The following GBF1 variants were observed in gnomAD, a reference collection of about 807,000 sequenced individuals.
GBF1 encodes the protein Golgi-specific brefeldin A-resistance guanine nucleotide exchange factor 1.
GBF1 carries 114 observed loss-of-function variants against 210.5 expected under a neutral mutation model. The ratio of observed to expected loss-of-function variants is 0.54; its 90% confidence interval spans 0.47 to 0.63. The LOEUF is 0.63. GBF1 is among the 30% of genes least tolerant of loss of function. The pLI, the probability that GBF1 is intolerant of heterozygous loss-of-function variation, is 0.00. For missense variants in GBF1, 1,851 were observed against 2,357.7 expected (o/e 0.79, Z 4.45); for synonymous variants, 850 against 889.2 (o/e 0.96, Z 0.78).
At chr10:102,367,962 A>G (rs2059999891) in intron 21 of GBF1, among the ~76,000 whole-genome samples, 1 of 152,226 alleles carries the variant, frequency 6.6e-6, no homozygotes, top group South Asian at 2.1e-4. Flanking sequence ...AGAATTGTTC[A>G]TTTTATCACA....
intron 1 of GBF1, among the ~76,000 whole-genome samples, chr10:102,251,510 A>G (rs1251809095): frequency 6.6e-6 from 1 of 152,174 alleles, no homozygotes; most frequent in African/African-American, 2.4e-5. Flanking sequence ...GTGGTGATAC[A>G]CTAAATAAAT....
chr10:102,367,261 G>A, intron 20 of GBF1, 51 bp downstream of exon 20: 1 of 1,588,638 alleles, frequency 6.3e-7, no homozygotes, highest in Non-Finnish European at 8.6e-7. Flanking sequence ...AGCTTGGGAG[G>A]TAGCAGGAAG....
At chr10:102,235,114 C>G in the GBF1 span, among the ~76,000 whole-genome samples, 1 of 151,850 alleles carries the variant, frequency 6.6e-6, no homozygotes, top group African/African-American at 2.4e-5. Flanking sequence ...AGTCTCCTCT[C>G]TGTGACAGGG....
intron 3 of GBF1, among the ~76,000 whole-genome samples, chr10:102,310,717 A>G (rs1191329967): frequency 6.6e-6 from 1 of 152,178 alleles, no homozygotes; most frequent in Non-Finnish European, 1.5e-5. Context: ...TTTTCTGTTT[A>G]TTAGAGGTGA....
intron 20 of GBF1, 108 bp from the exon 21 acceptor site, chr10:102,367,369 GT>G: frequency 2.6e-6 from 3 of 1,142,362 alleles, no homozygotes; most frequent in Non-Finnish European, 4.0e-6. Flanking sequence ...GGGGAAGTGG[GT>G]TTTTTCGCTT....
chr10:102,320,036 T>C (rs2056251525), intron 3 of GBF1, among the ~76,000 whole-genome samples: 1 of 152,256 alleles, frequency 6.6e-6, no homozygotes, highest in Non-Finnish European at 1.5e-5. Context: ...ATTTCTTTCT[T>C]GATTTACTGT....
intron 3 of GBF1, among the ~76,000 whole-genome samples, chr10:102,342,664 A>G (rs1193528480): frequency 6.6e-6 from 1 of 152,090 alleles, no homozygotes; most frequent in Non-Finnish European, 1.5e-5. Context: ...CTATATTTGC[A>G]TGAAAATGAA....
chr10:102,291,526 G>C (rs1436049473), intron 3 of GBF1, among the ~76,000 whole-genome samples: 1 of 152,130 alleles, frequency 6.6e-6, no homozygotes, highest in East Asian at 1.9e-4. Context: ...AAAGGCATCA[G>C]GACTTTTAGA....
chr10:102,266,481 C>A (rs1285777347), intron 3 of GBF1, among the ~76,000 whole-genome samples: 1 of 152,292 alleles, frequency 6.6e-6, no homozygotes, highest in Middle Eastern at 3.4e-3. Flanking sequence ...TTCCTGCCCT[C>A]ATAGCCACTG....
At chr10:102,326,940 C>T (rs2056947962) in intron 3 of GBF1, among the ~76,000 whole-genome samples, 2 of 152,164 alleles carry the variant, frequency 1.3e-5, no homozygotes, top group African/African-American at 4.8e-5. Context: ...TGGCACGTAG[C>T]CTGACTACCC....
Position 102,362,631 on chromosome 10 carries a change from G to A in GBF1, c.1843G>A (p.Glu615Lys), listed in dbSNP as rs775149099. Residue 615 changes from glutamate to lysine, a missense_variant, in exon 15 of 40, where the codon GAG becomes AAG. Glu to Lys is a moderately conservative substitution (Grantham distance 56). Around this residue, in one of 3 missense-constraint regions of GBF1, gnomAD observed 804 missense variants for 958.6 expected, o/e 0.84. Transcript: ENST00000369983. ...GAAGGAGACAGCCAGACCAAGCTGTGAGATAGTAGATGGCACCCGAGAAGC... is the reference window on the plus strand; with the variant it reads ...GAAGGAGACAGCCAGACCAAGCTGTAAGATAGTAGATGGCACCCGAGAAGC... ...EKKETARPSC[E>K]IVDGTREASN... The A allele has an allele frequency of 6.2e-7, 1 of 1,614,184 alleles. No individual in the cohort carries two copies. The highest frequency in any genetic ancestry group is 1.1e-5 in the South Asian group (1 of 91,082).
At chr10:102,377,221 G>T in intron 33 of GBF1, 81 bp downstream of exon 33, 2 of 1,125,976 alleles carry the variant, frequency 1.8e-6, no homozygotes, top group Non-Finnish European at 2.6e-6. Flanking sequence ...AGCCAGGGCT[G>T]AGGGGAAGGG....
At chr10:102,340,865 G>T (rs190381465) in intron 3 of GBF1, among the ~76,000 whole-genome samples, 1 of 152,314 alleles carries the variant, frequency 6.6e-6, no homozygotes, top group East Asian at 1.9e-4. Context: ...AAACATTTTA[G>T]GAGAAAATGG....
At chr10:102,361,620 G>T in intron 13 of GBF1, 98 bp from the exon 14 acceptor site, 1 of 762,332 alleles carries the variant, frequency 1.3e-6, no homozygotes, top group Non-Finnish European at 2.1e-6. Context: ...TCTAGGCTGG[G>T]CTTCTGCATC....
At chr10:102,376,896 A>G (rs1434269346) in intron 32 of GBF1, 39 bp from the exon 33 acceptor site, 2 of 1,608,984 alleles carry the variant, frequency 1.2e-6, no homozygotes, top group Admixed American at 1.7e-5. Flanking sequence ...CTATGCCTAT[A>G]TAGACACAGA....
chr10:102,233,184 C>T, the GBF1 span, among the ~76,000 whole-genome samples: 13 of 152,058 alleles, frequency 8.5e-5, no homozygotes, highest in African/African-American at 2.4e-4. Flanking sequence ...GGCCTTCCCT[C>T]GAGATTCGCT....
rs141437647 is a variant in GBF1 at position 102,366,680 on chromosome 10, G to A, written c.2433+174G>A. Among the ~76,000 whole-genome samples, 1,538 of 148,838 alleles carry A rather than the reference G, an allele frequency of 0.01. 22 individuals are homozygous for A. Among genetic ancestry groups the A allele is most frequent in the African/African-American group, 0.036 (1,465 of 40,240 alleles). On this transcript the variant is annotated intron_variant, in intron 19 of 39. Transcript: ENST00000369983. This position sits in a 1 kb window ranked among gnomAD's most constrained non-coding sequence, Gnocchi z 4.0. ...CAGCACACTGCAACCTCCACCCCCC[G>A]GGTTCAAGCAATTCTCCTGCCTTAG...
At chr10:102,278,790 A>T (rs1232952013) in intron 3 of GBF1, among the ~76,000 whole-genome samples, 1 of 152,158 alleles carries the variant, frequency 6.6e-6, no homozygotes, top group East Asian at 1.9e-4. Flanking sequence ...TCTATCGTGA[A>T]TCTGTAATAT....
chr10:102,337,129 A>G (rs1486532882), intron 3 of GBF1, among the ~76,000 whole-genome samples: 1 of 152,162 alleles, frequency 6.6e-6, no homozygotes. Flanking sequence ...CTGTAATCCC[A>G]GCACTTTGGG....
Sources: gnomAD v4.1 joint callset for allele counts (sites outside exome capture counted in the v4.1 genomes callset) on GRCh38, gnomAD v4.1.1 for gene constraint, gnomAD v4.1.1 regional missense constraint, Gnocchi (gnomAD v3.1) non-coding constraint, MANE v1.5 for transcripts, NCBI Gene and HGNC (gene_info 2026-07-23, HGNC 2026-07-21) for gene names.